Variants in GLTPD2 observed in about 807,000 individuals in gnomAD.
The protein encoded by GLTPD2 is glycolipid transfer protein domain containing 2.
A neutral mutation model predicts 12.9 loss-of-function variants in GLTPD2; 12 were observed. The ratio of observed to expected loss-of-function variants is 0.93; its 90% confidence interval spans 0.59 to 1.50. The LOEUF is 1.50. Ranked by LOEUF, GLTPD2 falls within the 40% of genes most tolerant of loss-of-function variation. The pLI, the probability that GLTPD2 is intolerant of heterozygous loss-of-function variation, is 0.00. For missense variants in GLTPD2, 450 were observed against 426.2 expected, an observed-to-expected ratio of 1.06 and a Z score of -0.49; for synonymous variants, 199 against 205.6, an observed-to-expected ratio of 0.97 and a Z score of 0.27.
chr17:4,790,315 C>G lies in GLTPD2; in HGVS notation c.*19C>G. The G allele has an allele frequency of 2.8e-6, 4 of 1,445,782 alleles. No homozygotes were observed. Among genetic ancestry groups the G allele is most frequent in the Non-Finnish European group, 3.6e-6 (4 of 1,107,424 alleles). The allele number at this position is 1,445,782 out of a possible 1,614,324, so 89.6% of individuals were successfully genotyped here. ...GGCCTAAGACGGCGGCTGCGGGGAC[C>G]GGCGGGAACGGAGCGGACCGCCCGG... On this transcript the variant is annotated 3_prime_UTR_variant, in exon 4 of 4. Coordinates refer to ENST00000331264, the MANE Select transcript of GLTPD2 (RefSeq NM_001014985.3).
In GLTPD2 at chr17:4,789,802, G is replaced by A; in HGVS notation, c.382G>A (p.Glu128Lys). The A allele has an allele frequency of 1.9e-6, 3 of 1,612,542 alleles. No homozygotes were observed. The highest frequency in any genetic ancestry group is 2.7e-5 in the African/African-American group (2 of 75,032). ...LGSVFAFATR[E>K]AFTKVTDLEA... ...CTCCGTCTTCGCCTTCGCCACTAGG[G>A]AGGCCTTCACCAAGGTGACAGACCT... is the stretch of plus-strand genomic sequence containing the variant. The change falls in exon 4 of 4, where the codon GAG (glutamate) becomes AAG (lysine). Residue 128 changes from glutamate (E) to lysine (K), a missense_variant. Coordinates refer to ENST00000331264, the MANE Select transcript of GLTPD2 (RefSeq NM_001014985.3).
At position 4,790,385 on chromosome 17, in the gene GLTPD2, G is replaced by T; in HGVS notation, c.*89G>T. The T allele has an allele frequency of 9.0e-7, 1 of 1,106,308 alleles. No individual in the cohort carries two copies. Among genetic ancestry groups the T allele is most frequent in the South Asian group, 2.7e-5 (1 of 36,918 alleles). 68.5% of individuals were successfully genotyped at this position (1,106,308 alleles called of 1,614,324 possible). On this transcript the variant is annotated 3_prime_UTR_variant, in exon 4 of 4. Coordinates refer to ENST00000331264, the MANE Select transcript of GLTPD2 (RefSeq NM_001014985.3). ...GGGTCAGTCCTGCAGCCCGCGCCGCGGCCGCCTCCGTATCCCGCCTCTTCC... is the reference window on the plus strand; with the variant it reads ...GGGTCAGTCCTGCAGCCCGCGCCGCTGCCGCCTCCGTATCCCGCCTCTTCC...
At position 4,789,047 on chromosome 17, in the gene GLTPD2, C is replaced by G; in HGVS notation, c.36C>G (p.His12Gln). The G allele has an allele frequency of 1.9e-6, 3 of 1,613,820 alleles. No individual in the cohort carries two copies. The highest frequency in any genetic ancestry group is 1.7e-6 in the Non-Finnish European group (2 of 1,179,908). ...CGGCGCGGCCCCCAGCCCTGCGGCACTGGTTCAGCCACTCAATTCCTCTCG... is the reference window on the plus strand; with the variant it reads ...CGGCGCGGCCCCCAGCCCTGCGGCAGTGGTTCAGCCACTCAATTCCTCTCG... ...GVAARPPALR[H>Q]WFSHSIPLAI... is the part of the protein sequence containing the mutation. Residue 12 changes from histidine (H) to glutamine (Q), a missense_variant, in exon 1 of 4, where the codon CAC becomes CAG. By Grantham distance (24) the His-to-Gln change is conservative. Transcript: ENST00000331264.
Position 4,790,176 on chromosome 17 carries a change from T to C in GLTPD2, c.756T>C (p.Cys252=). Residue 252 remains cysteine, a synonymous_variant, in exon 4 of 4, where the codon TGT becomes TGC. Transcript: ENST00000331264. ...GCCGCCGCCTGCTGGAGCTGGCGTGTCCCGGAGCCACCGAGGCGGAGGCGC... is the reference window on the plus strand; with the variant it reads ...GCCGCCGCCTGCTGGAGCTGGCGTGCCCCGGAGCCACCGAGGCGGAGGCGC... ...PGRRRLLELA[C]PGATEAEARA... 1.4e-6 allele frequency: 2 copies of C among 1,477,122 alleles called. No individual in the cohort carries two copies. The highest frequency in any genetic ancestry group is 1.8e-6 in the Non-Finnish European group (2 of 1,122,454). The allele number at this position is 1,477,122 out of a possible 1,614,324, so 91.5% of individuals were successfully genotyped here. A position where few individuals can be genotyped will look rare whatever the true frequency, so the allele number is the denominator to read the frequency against.
At position 4,790,276 on chromosome 17, in the gene GLTPD2, G is replaced by T. The variant is rs1025952987; in HGVS notation, c.856G>T (p.Gly286Cys). 6.8e-5 allele frequency: 100 copies of T among 1,479,060 alleles called. No homozygotes were observed. The highest frequency in any genetic ancestry group is 2.6e-4 in the Admixed American group (11 of 42,534). 91.6% of individuals were successfully genotyped at this position (1,479,060 alleles called of 1,614,324 possible). ...NRTQSLLAER[G>C]LLQLA ...CACCCAGAGCCTGCTGGCCGAGCGC[G>T]GCCTGCTCCAGCTGGCCTAAGACGG... Residue 286 changes from glycine to cysteine, a missense_variant, in exon 4 of 4, where the codon GGC becomes TGC. Gly to Cys is a radical substitution (Grantham distance 159). Coordinates refer to ENST00000331264, the MANE Select transcript of GLTPD2 (RefSeq NM_001014985.3).
rs777036931 is a variant in GLTPD2 at position 4,789,046 on chromosome 17, A to T, written c.35A>T (p.His12Leu). The change falls in exon 1 of 4, where the codon CAC becomes CTC. Residue 12 changes from histidine (H) to leucine (L), a missense_variant. Transcript: ENST00000331264. ...GCGGCGCGGCCCCCAGCCCTGCGGC[A>T]CTGGTTCAGCCACTCAATTCCTCTC... ...GVAARPPALR[H>L]WFSHSIPLAI... is the part of the protein sequence containing the mutation. 1.9e-6 allele frequency: 3 copies of T among 1,613,636 alleles called. 1 individual carries two copies. Among genetic ancestry groups the T allele is most frequent in the South Asian group, 1.1e-5 (1 of 91,066 alleles).
chr17:4,789,793 G>T lies in GLTPD2; in HGVS notation c.373G>T (p.Ala125Ser). 1 of 1,612,668 alleles carries T rather than the reference G, an allele frequency of 6.2e-7. No homozygotes were observed. Among genetic ancestry groups the T allele is most frequent in the East Asian group, 2.2e-5 (1 of 44,792 alleles). Residue 125 changes from alanine to serine, a missense_variant, in exon 4 of 4, where the codon GCC (alanine) becomes TCC (serine). Coordinates refer to ENST00000331264, the MANE Select transcript of GLTPD2 (RefSeq NM_001014985.3). ...TCCCCTCGGCTCCGTCTTCGCCTTCGCCACTAGGGAGGCCTTCACCAAGGT... is the reference window on the plus strand; with the variant it reads ...TCCCCTCGGCTCCGTCTTCGCCTTCTCCACTAGGGAGGCCTTCACCAAGGT... ...LTPLGSVFAF[A>S]TREAFTKVTD...
At position 4,789,217 on chromosome 17, in the gene GLTPD2, T is replaced by C. The variant is rs770188015; in HGVS notation, c.107-9T>C. The C allele has an allele frequency of 3.1e-6, 5 of 1,600,222 alleles. No individual in the cohort carries two copies. Among genetic ancestry groups the C allele is most frequent in the Non-Finnish European group, 4.3e-6 (5 of 1,172,690 alleles). ...CGAGCCCTCACCGCTCCGCTTCTCCTCTACCCAGGCGCCCGCTCGGGCTGC... is the reference window on the plus strand; with the variant it reads ...CGAGCCCTCACCGCTCCGCTTCTCCCCTACCCAGGCGCCCGCTCGGGCTGC... On this transcript the variant is annotated splice_polypyrimidine_tract_variant and intron_variant, in intron 1 of 3. Transcript: ENST00000331264.
chr17:4,790,184 C>T lies in GLTPD2; in HGVS notation c.764C>T (p.Ala255Val). The stretch of plus-strand genomic sequence containing the variant: ...CTGCTGGAGCTGGCGTGTCCCGGAG[C>T]CACCGAGGCGGAGGCGCGGGCCGCG... ...RRLLELACPG[A>V]TEAEARAALV... Residue 255 changes from alanine to valine, a missense_variant, in exon 4 of 4, where the codon GCC becomes GTC. Physicochemically the swap from Ala to Val is moderately conservative, Grantham distance 64. Coordinates refer to ENST00000331264, the MANE Select transcript of GLTPD2 (RefSeq NM_001014985.3). The T allele has an allele frequency of 6.8e-7, 1 of 1,477,858 alleles. No individual in the cohort carries two copies. The highest frequency in any genetic ancestry group is 8.9e-7 in the Non-Finnish European group (1 of 1,122,584). The allele number at this position is 1,477,858 out of a possible 1,614,324, so 91.5% of individuals were successfully genotyped here. A position where few individuals can be genotyped will look rare whatever the true frequency, so the allele number is the denominator to read the frequency against.
At chr17:4,789,413 G>A (rs1437473111) in intron 2 of GLTPD2, 98 bp from the exon 3 acceptor site, 79 of 1,521,088 alleles carry the variant, frequency 5.2e-5, no homozygotes, top group Non-Finnish European at 6.7e-5. Context: ...CCCGTCGGAA[G>A]CTGAGCGCAC....
Position 4,789,056 on chromosome 17 carries a change from C to T in GLTPD2, c.45C>T (p.Ser15=), listed in dbSNP as rs1306489445. 6 of 1,613,844 alleles carry T rather than the reference C, an allele frequency of 3.7e-6. No homozygotes were observed. Among genetic ancestry groups the T allele is most frequent in the Non-Finnish European group, 5.1e-6 (6 of 1,179,938 alleles). Residue 15 remains serine, a synonymous_variant, in exon 1 of 4, where the codon AGC becomes AGT. Coordinates refer to ENST00000331264, the MANE Select transcript of GLTPD2 (RefSeq NM_001014985.3). ...ARPPALRHWF[S]HSIPLAIFAL... is the part of the protein sequence containing the mutation. The stretch of plus-strand genomic sequence containing the variant: ...CCCCAGCCCTGCGGCACTGGTTCAG[C>T]CACTCAATTCCTCTCGCTATCTTCG...
rs771161616 is a variant in GLTPD2 at position 4,789,312 on chromosome 17, G to T, written c.171+22G>T. 78 of 1,559,168 alleles carry T rather than the reference G, an allele frequency of 5.0e-5. No individual in the cohort carries two copies. The Middle Eastern group carries it at 2.1e-3, about 42-fold the overall frequency. ...CCAGGTACGCTAGGCGCAGGATTGG[G>T]CGCGGGCGCTCCAGGAGGGACCAGA... On this transcript the variant is annotated intron_variant, in intron 2 of 3. Coordinates refer to ENST00000331264, the MANE Select transcript of GLTPD2 (RefSeq NM_001014985.3).
At position 4,790,083 on chromosome 17, in the gene GLTPD2, C is replaced by T; in HGVS notation, c.663C>T (p.Ala221=). 7.1e-7 allele frequency: 1 copy of T among 1,409,534 alleles called. No individual in the cohort carries two copies. The highest frequency in any genetic ancestry group is 9.1e-7 in the Non-Finnish European group (1 of 1,092,966). 87.3% of individuals were successfully genotyped at this position (1,409,534 alleles called of 1,614,324 possible). A position where few individuals can be genotyped will look rare whatever the true frequency, so the allele number is the denominator to read the frequency against. ...AGTGCAGCGACGCCTACCGTGCGGC[C>T]CTGGGTCCGCATCACCCCTGGCTGG... is the stretch of plus-strand genomic sequence containing the variant. ...GVQCSDAYRA[A]LGPHHPWLVR... The change falls in exon 4 of 4, where the codon GCC becomes GCT. Residue 221 remains alanine, a synonymous_variant. Transcript: ENST00000331264.
In GLTPD2 at chr17:4,790,487, G is replaced by C; in HGVS notation, c.*191G>C. 1 of 438,858 alleles carries C rather than the reference G, an allele frequency of 2.3e-6. No individual in the cohort carries two copies. The highest frequency in any genetic ancestry group is 3.9e-6 in the Non-Finnish European group (1 of 256,510). The allele number at this position is 438,858 out of a possible 1,614,324, so 27.2% of individuals were successfully genotyped here. On this transcript the variant is annotated 3_prime_UTR_variant, in exon 4 of 4. Coordinates refer to ENST00000331264, the MANE Select transcript of GLTPD2 (RefSeq NM_001014985.3). ...CCTCTGTCCGCAGTCTCGGAAAGACGGGAGGAGCTGTGAGGAATAAAAAAG... is the reference window on the plus strand; with the variant it reads ...CCTCTGTCCGCAGTCTCGGAAAGACCGGAGGAGCTGTGAGGAATAAAAAAG...
At position 4,790,517 on chromosome 17, in the gene GLTPD2, A is replaced by T; in HGVS notation, c.*221A>T. On this transcript the variant is annotated 3_prime_UTR_variant, in exon 4 of 4. Transcript: ENST00000331264. ...GAGCTGTGAGGAATAAAAAAGCAATATTTGGCAGCGTCGACGTAGGGCGTT... is the reference window on the plus strand; with the variant it reads ...GAGCTGTGAGGAATAAAAAAGCAATTTTTGGCAGCGTCGACGTAGGGCGTT... 1 of 393,564 alleles carries T rather than the reference A, an allele frequency of 2.5e-6. No individual in the cohort carries two copies. Among genetic ancestry groups the T allele is most frequent in the Admixed American group, 4.6e-5 (1 of 21,724 alleles). The allele number at this position is 393,564 out of a possible 1,614,324, so 24.4% of individuals were successfully genotyped here.
In GLTPD2 at chr17:4,789,951, C is replaced by G; in HGVS notation, c.531C>G (p.Ser177Arg). ...PGAAPRDPTRSSGSRTLLLLH... is the reference protein window; with the variant it reads ...PGAAPRDPTRRSGSRTLLLLH... ...CGGCCCCCCGGGACCCGACCCGGAG[C>G]TCGGGCTCTCGCACGCTGCTCCTGC... Residue 177 changes from serine to arginine, a missense_variant, in exon 4 of 4, where the codon AGC becomes AGG. Ser to Arg is a moderately radical substitution (Grantham distance 110). Transcript: ENST00000331264. 1 of 1,537,318 alleles carries G rather than the reference C, an allele frequency of 6.5e-7. No individual in the cohort carries two copies. Among genetic ancestry groups the G allele is most frequent in the Non-Finnish European group, 8.7e-7 (1 of 1,144,056 alleles).
rs897895651 is a variant in GLTPD2, at chr17:4,789,029, G to A, written c.18G>A (p.Arg6=). 1.9e-6 allele frequency: 3 copies of A among 1,612,372 alleles called. No individual in the cohort carries two copies. The highest frequency in any genetic ancestry group is 1.1e-5 in the South Asian group (1 of 91,054). Residue 6 remains arginine (R), a synonymous_variant, in exon 1 of 4, where the codon CGG becomes CGA. Transcript: ENST00000331264. MGVAA[R]PPALRHWFSH... ...CAGCAGGCATGGGAGTGGCGGCGCG[G>A]CCCCCAGCCCTGCGGCACTGGTTCA...
Position 4,790,269 on chromosome 17 carries a change from C to A in GLTPD2, c.849C>A (p.Ala283=), listed in dbSNP as rs1388106452. 4 of 1,480,026 alleles carry A rather than the reference C, an allele frequency of 2.7e-6. No individual in the cohort carries two copies. The highest frequency in any genetic ancestry group is 3.6e-6 in the Non-Finnish European group (4 of 1,123,436). The allele number at this position is 1,480,026 out of a possible 1,614,324, so 91.7% of individuals were successfully genotyped here. A position where few individuals can be genotyped will look rare whatever the true frequency, so the allele number is the denominator to read the frequency against. ...ACAACCGCACCCAGAGCCTGCTGGC[C>A]GAGCGCGGCCTGCTCCAGCTGGCCT... The part of the protein sequence containing the change: ...DVYNRTQSLL[A]ERGLLQLA Residue 283 remains alanine (A), a synonymous_variant, in exon 4 of 4, where the codon GCC becomes GCA. Transcript: ENST00000331264.
At position 4,789,036 on chromosome 17, in the gene GLTPD2, G is replaced by A; in HGVS notation, c.25G>A (p.Ala9Thr). ...CATGGGAGTGGCGGCGCGGCCCCCA[G>A]CCCTGCGGCACTGGTTCAGCCACTC... MGVAARPP[A>T]LRHWFSHSIP... Residue 9 changes from alanine to threonine, a missense_variant, in exon 1 of 4, where the codon GCC becomes ACC. Ala to Thr is a moderately conservative substitution (Grantham distance 58). Coordinates refer to ENST00000331264, the MANE Select transcript of GLTPD2 (RefSeq NM_001014985.3). 1 of 1,612,904 alleles carries A rather than the reference G, an allele frequency of 6.2e-7. No individual in the cohort carries two copies. Among genetic ancestry groups the A allele is most frequent in the Non-Finnish European group, 8.5e-7 (1 of 1,179,730 alleles).
Sources: allele counts gnomAD v4.1 joint callset, GRCh38; gene constraint gnomAD v4.1.1; transcripts MANE v1.5; gene names NCBI Gene and HGNC (gene_info 2026-07-23, HGNC 2026-07-21).